TMEM272: variants seen among roughly 807,000 people sequenced by gnomAD.
The protein encoded by TMEM272 is long intergenic non-protein coding RNA 282.
TMEM272 carries 8 observed loss-of-function variants against 3.7 expected under a neutral mutation model. The ratio of observed to expected loss-of-function variants is 2.17; its 90% CI spans 1.27 to 3.91. TMEM272 has a LOEUF of 3.91. Ranked by LOEUF, TMEM272 falls within the 30% of genes most tolerant of loss-of-function variation. The probability of loss-of-function intolerance (pLI) is 0.00; values close to 1 mark genes in which losing one functional copy is unlikely to be tolerated. For missense variants in TMEM272, 166 were observed against 91.5 expected (o/e 1.81, Z -3.32); for synonymous variants, 63 against 39.8 (o/e 1.58, Z -2.20).
At chr13:51,876,230 T>C in the TMEM272 span, among the ~76,000 whole-genome samples, 1 of 152,248 alleles carries the variant, frequency 6.6e-6, no homozygotes, top group Non-Finnish European at 1.5e-5. Context: ...GACTCCACCA[T>C]GACCTCTTTC....
At chr13:51,849,594 C>T (rs1956321727), upstream of TMEM272, among the ~76,000 whole-genome samples, 1 of 152,236 alleles carries the variant, frequency 6.6e-6, no homozygotes, top group Non-Finnish European at 1.5e-5. Context: ...AGTTGTCCAA[C>T]ATGCTCCAGA....
At chr13:51,821,504 G>A (rs1402656907) in intron 4 of TMEM272, among the ~76,000 whole-genome samples, 5 of 152,040 alleles carry the variant, frequency 3.3e-5, no homozygotes, top group African/African-American at 1.2e-4. Context: ...CCTACCTCAG[G>A]CATAAGAATA....
At chr13:51,876,139 A>T in the TMEM272 span, among the ~76,000 whole-genome samples, 1 of 152,234 alleles carries the variant, frequency 6.6e-6, no homozygotes, top group Non-Finnish European at 1.5e-5. Context: ...AAAAGGAACA[A>T]ATGTCACTGG....
the TMEM272 span, among the ~76,000 whole-genome samples, chr13:51,931,792 C>T: frequency 6.6e-6 from 1 of 152,132 alleles, no homozygotes; most frequent in Non-Finnish European, 1.5e-5. Context: ...GGCATGAAGT[C>T]CTCCAGGGTA....
chr13:51,861,667 G>A, the TMEM272 span, among the ~76,000 whole-genome samples: 1 of 152,160 alleles, frequency 6.6e-6, no homozygotes. Context: ...AGGAGACAGA[G>A]AAAATGGATG....
chr13:51,906,331 C>T, the TMEM272 span, among the ~76,000 whole-genome samples: 6 of 152,138 alleles, frequency 3.9e-5, no homozygotes, highest in Non-Finnish European at 4.4e-5. Context: ...TCCCATAGCT[C>T]CACCCTTGGG....
the TMEM272 span, chr13:51,908,996 C>T: frequency 6.9e-7 from 1 of 1,447,050 alleles, no homozygotes; most frequent in Non-Finnish European, 9.7e-7. Context: ...GTGAGAGTCT[C>T]AGTGGACCCT....
chr13:51,924,740 G>A, the TMEM272 span, among the ~76,000 whole-genome samples: 2 of 152,200 alleles, frequency 1.3e-5, no homozygotes, highest in African/African-American at 2.4e-5. Context: ...CCAGCAGCCA[G>A]GATGCACCCC....
chr13:51,864,300 T>C, the TMEM272 span, among the ~76,000 whole-genome samples: 1 of 152,126 alleles, frequency 6.6e-6, no homozygotes, highest in African/African-American at 2.4e-5. Flanking sequence ...GAAGCCTCTC[T>C]CAAGTACTCA....
In TMEM272 at chr13:51,826,138, C is replaced by CAAAAAA. The variant is rs11295480; in HGVS notation, c.118+422_118+427dup. The stretch of plus-strand genomic sequence containing the variant: ...TGGAAATATTTACTCATTCATTCAG[C>CAAAAAA]AAAAAAAAAAAAAAAAAAATGTATA... On this transcript the variant is annotated intron_variant, in intron 3 of 4. Transcript: ENST00000629372. Among the ~76,000 whole-genome samples, 181 of 123,176 alleles carry CAAAAAA rather than the reference C, an allele frequency of 1.5e-3. 2 individuals carry two copies. The highest frequency in any genetic ancestry group is 4.6e-3 in the African/African-American group (155 of 33,606). The allele number at this position is 123,176 out of a possible 152,430, so 80.8% of individuals were successfully genotyped here.
chr13:51,902,757 C>T, the TMEM272 span, among the ~76,000 whole-genome samples: 95 of 152,378 alleles, frequency 6.2e-4, no homozygotes, highest in Admixed American at 1.3e-3. Context: ...GCTCCCAAAT[C>T]TCTGACACAC....
the TMEM272 span, chr13:51,866,323 G>A: frequency 4.6e-6 from 2 of 433,570 alleles, no homozygotes; most frequent in Admixed American, 3.9e-5. Context: ...ATCGGTCCCA[G>A]GCAGCTCCCA....
At chr13:51,849,194 C>A (rs901165765), upstream of TMEM272, among the ~76,000 whole-genome samples, 8 of 152,272 alleles carry the variant, frequency 5.3e-5, no homozygotes, top group East Asian at 1.5e-3. Context: ...ATGACAGGCA[C>A]CCCTGACCCA....
chr13:51,917,282 G>A, the TMEM272 span, among the ~76,000 whole-genome samples: 3 of 152,296 alleles, frequency 2.0e-5, no homozygotes, highest in Middle Eastern at 6.8e-3. Context: ...ATGCTGCCAG[G>A]TGAAGGACAA....
chr13:51,906,836 C>T, the TMEM272 span, among the ~76,000 whole-genome samples: 1 of 152,196 alleles, frequency 6.6e-6, no homozygotes, highest in Admixed American at 6.5e-5. Context: ...TCCAACTGAC[C>T]CTTGATGCTG....
At chr13:51,838,589 G>A (rs1418790779) in intron 1 of TMEM272, 36 bp from the exon 2 acceptor site, 11 of 702,920 alleles carry the variant, frequency 1.6e-5, no homozygotes, top group Non-Finnish European at 2.9e-5. Context: ...AAAGGATGGT[G>A]GAAGGATTTA....
the TMEM272 span, among the ~76,000 whole-genome samples, chr13:51,898,033 G>A: frequency 5.9e-5 from 9 of 151,266 alleles, no homozygotes; most frequent in Non-Finnish European, 7.4e-5. Context: ...GACCATCCTG[G>A]CCAACATGGT....
the TMEM272 span, chr13:51,909,491 G>A: frequency 1.0e-6 from 1 of 955,146 alleles, no homozygotes; most frequent in Non-Finnish European, 1.7e-6. Flanking sequence ...TTCTGTTGAA[G>A]TTTCTGATTC....
At chr13:51,848,139 G>C (rs1057489108), upstream of TMEM272, among the ~76,000 whole-genome samples, 2 of 152,214 alleles carry the variant, frequency 1.3e-5, no homozygotes. Flanking sequence ...GAAAAGTCAT[G>C]CACGATGTCG....
Sources: allele counts gnomAD v4.1 joint callset (sites outside exome capture counted in the v4.1 genomes callset), GRCh38; gene constraint gnomAD v4.1.1; transcripts MANE v1.5; gene names NCBI Gene and HGNC (gene_info 2026-07-23, HGNC 2026-07-21).